Variants in TSHZ2 observed in about 807,000 individuals in gnomAD.
TSHZ2 encodes teashirt zinc finger homeobox 2.
A neutral mutation model predicts 74.4 loss-of-function variants in TSHZ2; 21 were observed. The ratio of observed to expected loss-of-function variants is 0.28; its 90% CI spans 0.20 to 0.41. The LOEUF (loss-of-function observed/expected upper bound fraction) is 0.41, where lower values mean the gene tolerates loss of function less well. Among genes scored for constraint, TSHZ2 ranks in the 10% least tolerant of loss-of-function variants. TSHZ2 has a pLI of 1.00. For synonymous variants in TSHZ2, 540 were observed against 515.3 expected (o/e 1.05, Z -0.65); for missense variants, 1,244 against 1,293.5 (o/e 0.96, Z 0.59).
chr20:53,385,359 G>A (rs1326526372), intron 2 of TSHZ2, among the ~76,000 whole-genome samples: 1 of 152,030 alleles, frequency 6.6e-6, no homozygotes, highest in Non-Finnish European at 1.5e-5. Context: ...AGTGAGTACT[G>A]CACAGACACT....
intron 1 of TSHZ2, among the ~76,000 whole-genome samples, chr20:53,135,308 T>A (rs1987217608): frequency 6.6e-6 from 1 of 152,148 alleles, no homozygotes. Context: ...CACACCCTCC[T>A]CCTACCCTAC....
chr20:53,367,397 CTG>C (rs1414893006), intron 2 of TSHZ2, among the ~76,000 whole-genome samples: 1 of 151,720 alleles, frequency 6.6e-6, no homozygotes, highest in Non-Finnish European at 1.5e-5. Flanking sequence ...AAATGAGACT[CTG>C]TCTCAAAAAA....
Position 53,254,929 on chromosome 20 carries a change from C to T in TSHZ2, c.1471C>T (p.Pro491Ser), listed in dbSNP as rs754941420. The T allele has an allele frequency of 4.3e-6, 7 of 1,613,910 alleles. No homozygotes were observed. In the Admixed American group the frequency reaches 1.2e-4, roughly 27 times the overall value. Residue 491 changes from proline (P) to serine (S), a missense_variant, in exon 2 of 3, where the codon CCT becomes TCT. Transcript: ENST00000371497. The part of the protein sequence containing the change: ...SEDYEDPLQK[P>S]LDPTIKYQYL... ...GGACTATGAAGATCCTCTACAAAAA[C>T]CTTTAGACCCTACAATCAAATATCA... is the stretch of plus-strand genomic sequence containing the variant.
In TSHZ2 at chr20:53,069,662, T is replaced by TACACACACAC. The variant is rs11471151; in HGVS notation, c.40+96368_40+96377dup. 9.4e-5 allele frequency among the ~76,000 whole-genome samples: 13 copies of TACACACACAC among 138,996 alleles called. No individual in the cohort carries two copies. In the East Asian group the frequency reaches 1.5e-3, roughly 16 times the overall value. The allele number at this position is 138,996 out of a possible 152,430, so 91.2% of individuals were successfully genotyped here. On this transcript the variant is annotated intron_variant, in intron 1 of 2. Coordinates refer to ENST00000371497, the MANE Select transcript of TSHZ2 (RefSeq NM_173485.6). ...GCCTAGCAAAAGGTCAATGCTTTGATACACACACACACACACACACACACA... is the reference window on the plus strand; with the variant it reads ...GCCTAGCAAAAGGTCAATGCTTTGATACACACACACACACACACACACACACACACACACA...
chr20:53,294,401 T>C (rs566802530), intron 2 of TSHZ2, among the ~76,000 whole-genome samples: 1 of 152,142 alleles, frequency 6.6e-6, no homozygotes, highest in African/African-American at 2.4e-5. Flanking sequence ...TTTCCCCACC[T>C]CTTGCTCAGG....
intron 1 of TSHZ2, among the ~76,000 whole-genome samples, chr20:53,216,137 G>A (rs2123625829): frequency 6.6e-6 from 1 of 152,300 alleles, no homozygotes. Context: ...ATAGAAAACA[G>A]TGGGGGGCCA....
rs149358337 is a variant in TSHZ2 at position 53,150,083 on chromosome 20, A to G, written c.41-103416A>G. 1.8e-4 allele frequency among the ~76,000 whole-genome samples: 27 copies of G among 152,256 alleles called. No individual in the cohort carries two copies. In the East Asian group the frequency reaches 4.6e-3, roughly 26 times the overall value. On this transcript the variant is annotated intron_variant, in intron 1 of 2. Coordinates refer to ENST00000371497, the MANE Select transcript of TSHZ2 (RefSeq NM_173485.6). The stretch of plus-strand genomic sequence containing the variant: ...GGTAAATGTTTTACTTATACACCTC[A>G]CTGTAATCTTCATAGCAATCCTATG...
intron 2 of TSHZ2, among the ~76,000 whole-genome samples, chr20:53,314,690 C>G (rs926437189): frequency 7.4e-5 from 11 of 148,058 alleles, no homozygotes; most frequent in Non-Finnish European, 1.5e-4. Flanking sequence ...GGCATGATCT[C>G]AGTTCATTGC....
At chr20:53,101,856 G>A (rs1465838138) in intron 1 of TSHZ2, among the ~76,000 whole-genome samples, 2 of 152,198 alleles carry the variant, frequency 1.3e-5, no homozygotes. Context: ...GAAGTCACAT[G>A]TATGAACCAG....
intron 1 of TSHZ2, chr20:53,177,989 A>G (rs970888339): frequency 6.6e-6 from 1 of 152,260 alleles, no homozygotes; most frequent in African/African-American, 2.4e-5. Flanking sequence ...TTTGTCTCCA[A>G]AAGTTACCTG....
rs189415644 is a variant in TSHZ2 at position 53,400,634 on chromosome 20, T to C, written c.*9-86510T>C. On this transcript the variant is annotated intron_variant, in intron 2 of 2. Transcript: ENST00000371497. ...TTGATCCCGGAGTCCGCTTTCTTGA[T>C]TGTACTCTCTACTGCCTCACCTTCA... is the stretch of plus-strand genomic sequence containing the variant. 3.3e-5 allele frequency: 5 copies of C among 152,382 alleles called. No homozygotes were observed. In the East Asian group the frequency reaches 9.6e-4, roughly 29 times the overall value. The allele number at this position is 152,382 out of a possible 1,614,324, so 9.4% of individuals were successfully genotyped here.
In TSHZ2 at chr20:53,255,026, C is replaced by T; in HGVS notation, c.1568C>T (p.Thr523Ile). ...GACATTTTGAAATCTTTGGAAAATA[C>T]TGTCACCACAGCCATCAACAAAGCC... is the stretch of plus-strand genomic sequence containing the variant. ...GGDILKSLENTVTTAINKAQN... is the reference protein window; with the variant it reads ...GGDILKSLENIVTTAINKAQN... The change falls in exon 2 of 3, where the codon ACT becomes ATT. Residue 523 changes from threonine to isoleucine, a missense_variant. Transcript: ENST00000371497. This position sits in a 1 kb window ranked among gnomAD's most constrained non-coding sequence, Gnocchi z 4.1. 6.2e-7 allele frequency: 1 copy of T among 1,614,176 alleles called. No homozygotes were observed. Among genetic ancestry groups the T allele is most frequent in the Non-Finnish European group, 8.5e-7 (1 of 1,180,034 alleles).
At chr20:53,046,103 C>A (rs1034254588) in intron 1 of TSHZ2, among the ~76,000 whole-genome samples, 23 of 152,090 alleles carry the variant, frequency 1.5e-4, no homozygotes, top group African/African-American at 5.3e-4. Context: ...CCGATGTGTG[C>A]TTTAGAGTGG....
rs1990469865 is a variant in TSHZ2 at position 53,255,949 on chromosome 20, G to A, written c.2491G>A (p.Val831Ile). The A allele has an allele frequency of 1.9e-6, 3 of 1,614,168 alleles. No individual in the cohort carries two copies. Among genetic ancestry groups the A allele is most frequent in the Middle Eastern group, 1.6e-4 (1 of 6,062 alleles). The change falls in exon 2 of 3, where the codon GTC becomes ATC. Residue 831 changes from valine (V) to isoleucine (I), a missense_variant. Val to Ile is a conservative substitution (Grantham distance 29). This residue lies in a region of TSHZ2 where 562 missense variants were observed against 544.0 expected (regional missense o/e 1.03). Coordinates refer to ENST00000371497, the MANE Select transcript of TSHZ2 (RefSeq NM_173485.6). This position sits in a 1 kb window ranked among gnomAD's most constrained non-coding sequence, Gnocchi z 4.1. The part of the protein sequence containing the change: ...LEMDVRRFED[V>I]SSEVSTLHKR... ...AATGGATGTCAGGCGCTTTGAGGAT[G>A]TCTCCAGTGAAGTCTCAACTTTGCA...
chr20:53,198,350 A>T (rs1302454077), intron 1 of TSHZ2: 1 of 152,242 alleles, frequency 6.6e-6, no homozygotes, highest in East Asian at 1.9e-4. Flanking sequence ...TGCCACATGA[A>T]CTGAGTACCT....
chr20:53,259,078 A>C (rs1036898570), intron 2 of TSHZ2, among the ~76,000 whole-genome samples: 1 of 152,186 alleles, frequency 6.6e-6, no homozygotes, highest in African/African-American at 2.4e-5. Flanking sequence ...TTTTAGAACA[A>C]TATTTATGCA....
chr20:53,271,347 T>C (rs1990833822), intron 2 of TSHZ2, among the ~76,000 whole-genome samples: 1 of 152,196 alleles, frequency 6.6e-6, no homozygotes, highest in African/African-American at 2.4e-5. Flanking sequence ...TGAGCTCACA[T>C]ACTGTTATAA....
intron 2 of TSHZ2, among the ~76,000 whole-genome samples, chr20:53,382,994 C>T (rs368770099): frequency 2.2e-3 from 331 of 152,322 alleles, no homozygotes; most frequent in Middle Eastern, 0.017. Context: ...GGCACAGTGG[C>T]TCACGCCTGT....
chr20:53,353,228 T>A (rs1980722454), intron 2 of TSHZ2, among the ~76,000 whole-genome samples: 1 of 152,186 alleles, frequency 6.6e-6, no homozygotes, highest in Non-Finnish European at 1.5e-5. Context: ...CCCCTGAGGC[T>A]GTGACTGCAT....
Sources: gnomAD v4.1 joint callset for allele counts (sites outside exome capture counted in the v4.1 genomes callset) on GRCh38, gnomAD v4.1.1 for gene constraint, gnomAD v4.1.1 regional missense constraint, Gnocchi (gnomAD v3.1) non-coding constraint, MANE v1.5 for transcripts, NCBI Gene and HGNC (gene_info 2026-07-23, HGNC 2026-07-21) for gene names.